NIPA1: variants seen among roughly 807,000 people sequenced by gnomAD.
The protein encoded by NIPA1 is NIPA magnesium transporter 1, also known as magnesium transporter NIPA1.
In NIPA1, 13 loss-of-function variants were observed where a neutral mutation model predicts 23.9. That is an observed-to-expected ratio of 0.54 (90% CI 0.35 to 0.87). The LOEUF (loss-of-function observed/expected upper bound fraction) is 0.87. Ranked by LOEUF, NIPA1 falls within the 40% of genes least tolerant of loss-of-function variation. The probability of loss-of-function intolerance (pLI) is 0.01; values close to 1 mark genes in which losing one functional copy is unlikely to be tolerated. For missense variants in NIPA1, 362 were observed against 429.7 expected (o/e 0.84, Z 1.39); for synonymous variants, 234 against 202.9 (o/e 1.15, Z -1.30).
At chr15:22,807,578 C>A (rs544479771) in intron 1 of NIPA1, among the ~76,000 whole-genome samples, 3 of 151,700 alleles carry the variant, frequency 2.0e-5, no homozygotes, top group East Asian at 3.9e-4. Context: ...CAGAGTGAGA[C>A]CCTGTCTCAA....
At chr15:22,799,830 G>C (rs1170839902) in intron 1 of NIPA1, among the ~76,000 whole-genome samples, 1 of 148,354 alleles carries the variant, frequency 6.7e-6, no homozygotes, top group Non-Finnish European at 1.5e-5. Context: ...TGTAGTCTCA[G>C]CTACTGGGGA....
At position 22,824,043 on chromosome 15, in the gene NIPA1, A is replaced by T; in HGVS notation, c.794A>T (p.Tyr265Phe). The change falls in exon 5 of 5, where the codon TAC (tyrosine) becomes TTC (phenylalanine). Residue 265 changes from tyrosine (Y) to phenylalanine (F), a missense_variant. This residue lies in a region of NIPA1 where 277 missense variants were observed against 372.0 expected (regional missense o/e 0.74). Coordinates refer to ENST00000337435, the MANE Select transcript of NIPA1 (RefSeq NM_144599.5). This position sits in a 1 kb window ranked among gnomAD's most constrained non-coding sequence, Gnocchi z 4.1. ...FDSSVFGAIY[Y>F]VVFTTLVLLA... ...TCCTCGGTGTTCGGGGCCATCTACT[A>T]CGTCGTGTTTACCACGCTGGTCCTG... 1 of 1,614,042 alleles carries T rather than the reference A, an allele frequency of 6.2e-7. No homozygotes were observed. The highest frequency in any genetic ancestry group is 8.5e-7 in the Non-Finnish European group (1 of 1,179,950).
rs1290328519 is a variant in NIPA1, at chr15:22,828,839, G to A, written c.*4600G>A. On this transcript the variant is annotated 3_prime_UTR_variant, in exon 5 of 5. Coordinates refer to ENST00000337435, the MANE Select transcript of NIPA1 (RefSeq NM_144599.5). ...GCCTCAGTTTTTCTACCTCTAAAGG[G>A]GTGGGATGGTTCTTCAAATTGTTTC... 1 of 152,568 alleles carries A rather than the reference G, an allele frequency of 6.6e-6. No individual in the cohort carries two copies. The highest frequency in any genetic ancestry group is 1.9e-4 in the East Asian group (1 of 5,198). 9.5% of individuals were successfully genotyped at this position (152,568 alleles called of 1,614,324 possible). A position where few individuals can be genotyped will look rare whatever the true frequency, so the allele number is the denominator to read the frequency against.
At chr15:22,790,926 G>A (rs983381323) in intron 1 of NIPA1, among the ~76,000 whole-genome samples, 1 of 152,152 alleles carries the variant, frequency 6.6e-6, no homozygotes, top group Non-Finnish European at 1.5e-5. Context: ...CTAGCGTGAC[G>A]TTCCTTATGC....
chr15:22,799,953 A>G (rs1016651650), intron 1 of NIPA1, among the ~76,000 whole-genome samples: 2 of 149,000 alleles, frequency 1.3e-5, no homozygotes, highest in African/African-American at 2.5e-5. Context: ...CAAAAAAAAA[A>G]AAAAAAAAAA....
rs948003199 is a variant in NIPA1 at position 22,794,278 on chromosome 15, G to A, written c.178+7444G>A. Among the ~76,000 whole-genome samples, 5 of 146,742 alleles carry A rather than the reference G, an allele frequency of 3.4e-5. No homozygotes were observed. In the South Asian group the frequency reaches 6.5e-4, roughly 19 times the overall value. On this transcript the variant is annotated intron_variant, in intron 1 of 4. Transcript: ENST00000337435. ...CACAAATGACAAAGCCGGTGATTCC[G>A]CTTATGTGAGGCACCCACTGCAGTG...
At chr15:22,803,829 G>A (rs1316146862) in intron 1 of NIPA1, among the ~76,000 whole-genome samples, 5 of 150,544 alleles carry the variant, frequency 3.3e-5, no homozygotes, top group Non-Finnish European at 5.9e-5. Flanking sequence ...ACAGGCACCC[G>A]CCACCACGCC....
In NIPA1 at chr15:22,786,724, C is replaced by G. The variant is rs1894711153; in HGVS notation, c.68C>G (p.Pro23Arg). Reference protein sequence around the residue: ...AAAAGEGARSPSPAAVSLGLG... With the variant: ...AAAAGEGARSRSPAAVSLGLG... Reference sequence around the variant, plus strand: ...GCGGCCGGGGAGGGGGCGCGTAGCCCGAGCCCCGCCGCCGTGTCGCTCGGC... The same window carrying G: ...GCGGCCGGGGAGGGGGCGCGTAGCCGGAGCCCCGCCGCCGTGTCGCTCGGC... Residue 23 changes from proline to arginine, a missense_variant, in exon 1 of 5, where the codon CCG becomes CGG. This residue lies in a region of NIPA1 where 85 missense variants were observed against 57.7 expected (regional missense o/e 1.47). Coordinates refer to ENST00000337435, the MANE Select transcript of NIPA1 (RefSeq NM_144599.5). The G allele has an allele frequency of 8.1e-7, 1 of 1,231,578 alleles. No homozygotes were observed. Among genetic ancestry groups the G allele is most frequent in the Non-Finnish European group, 1.0e-6 (1 of 967,928 alleles). 76.3% of individuals were successfully genotyped at this position (1,231,578 alleles called of 1,614,324 possible).
intron 1 of NIPA1, among the ~76,000 whole-genome samples, chr15:22,803,596 C>T (rs1405617348): frequency 6.2e-5 from 9 of 144,558 alleles, no homozygotes; most frequent in African/African-American, 1.0e-4. Context: ...GCAACCTCTG[C>T]CCCCCTGGTT....
intron 4 of NIPA1, among the ~76,000 whole-genome samples, chr15:22,821,164 A>G (rs937300598): frequency 6.6e-6 from 1 of 151,652 alleles, no homozygotes; most frequent in African/African-American, 2.4e-5. Flanking sequence ...ATGGGATTTC[A>G]TCATGTTAGC....
Position 22,786,861 on chromosome 15 carries a change from G to A in NIPA1, c.178+27G>A, listed in dbSNP as rs990768244. On this transcript the variant is annotated intron_variant, in intron 1 of 4. Transcript: ENST00000337435. ...TAGGGCGGGCGGCAGGCGGCAGGCG[G>A]CGGGCGGGTGGGGGAGGCGGGCGGC... 7.6e-6 allele frequency: 8 copies of A among 1,054,294 alleles called. No individual in the cohort carries two copies. In the African/African-American group the frequency reaches 1.2e-4, roughly 16 times the overall value. 65.3% of individuals were successfully genotyped at this position (1,054,294 alleles called of 1,614,324 possible).
intron 1 of NIPA1, among the ~76,000 whole-genome samples, chr15:22,798,828 T>C (rs67273222): frequency 0.73 from 86,158 of 117,932 alleles, 31,728 homozygotes; most frequent in African/African-American, 0.92. Flanking sequence ...AGAGCGAGAC[T>C]CCGTCTCAAA....
chr15:22,803,341 T>A (rs1895126891), intron 1 of NIPA1, among the ~76,000 whole-genome samples: 1 of 151,944 alleles, frequency 6.6e-6, no homozygotes, highest in African/African-American at 2.4e-5. Context: ...AGAGTGTGTG[T>A]GTGTATATGT....
In NIPA1 at chr15:22,823,668, C is replaced by G. The variant is rs1254295878; in HGVS notation, c.479-60C>G. On this transcript the variant is annotated intron_variant, in intron 4 of 4. Transcript: ENST00000337435. ...GGGCCCGGGTGCTGCCCCAGTCCAC[C>G]TCCTGGGTTGCGGCTGCTAGGCGGT... 8 of 1,537,302 alleles carry G rather than the reference C, an allele frequency of 5.2e-6. No individual in the cohort carries two copies. The East Asian group carries it at 1.7e-4, about 32-fold the overall frequency.
intron 1 of NIPA1, among the ~76,000 whole-genome samples, chr15:22,788,913 C>CT (rs1894769099): frequency 1.1e-4 from 2 of 18,458 alleles, no homozygotes; most frequent in Non-Finnish European, 2.1e-4. Flanking sequence ...GAACAAGGCT[C>CT]TGTCTTAAAA....
At position 22,825,319 on chromosome 15, in the gene NIPA1, A is replaced by C. The variant is rs1184093376; in HGVS notation, c.*1080A>C. ...ATTACAATGTTATGGGACCACCGTC[A>C]TGTAAGTGGTATGTCTTTGACAGAA... On this transcript the variant is annotated 3_prime_UTR_variant, in exon 5 of 5. Coordinates refer to ENST00000337435, the MANE Select transcript of NIPA1 (RefSeq NM_144599.5). 1 of 152,242 alleles carries C rather than the reference A, an allele frequency of 6.6e-6. No individual in the cohort carries two copies. Among genetic ancestry groups the C allele is most frequent in the South Asian group, 2.1e-4 (1 of 4,836 alleles). 9.4% of individuals were successfully genotyped at this position (152,242 alleles called of 1,614,324 possible).
chr15:22,800,372 CAT>C (rs1299038275), intron 1 of NIPA1, among the ~76,000 whole-genome samples: 4 of 152,226 alleles, frequency 2.6e-5, no homozygotes, highest in African/African-American at 9.6e-5. Flanking sequence ...AATGTTCTCA[CAT>C]GTCTGGTTAG....
rs372972158 is a variant in NIPA1, at chr15:22,824,091, G to A, written c.842G>A (p.Arg281Gln). 5.0e-6 allele frequency: 8 copies of A among 1,614,092 alleles called. No homozygotes were observed. Among genetic ancestry groups the A allele is most frequent in the African/African-American group, 1.3e-5 (1 of 75,052 alleles). ...LVLLASAILF[R>Q]EWSNVGLVDF... The stretch of plus-strand genomic sequence containing the variant: ...CTGCTGGCCTCAGCCATCCTCTTCC[G>A]GGAGTGGAGCAACGTGGGCCTGGTG... The change falls in exon 5 of 5, where the codon CGG (arginine) becomes CAG (glutamine). Residue 281 changes from arginine to glutamine, a missense_variant. Arg to Gln is a conservative substitution (Grantham distance 43). Coordinates refer to ENST00000337435, the MANE Select transcript of NIPA1 (RefSeq NM_144599.5). This position sits in a 1 kb window ranked among gnomAD's most constrained non-coding sequence, Gnocchi z 4.1.
rs1437745520 is a variant in NIPA1 at position 22,811,336 on chromosome 15, G to A, written c.226+540G>A. Among the ~76,000 whole-genome samples, 6 of 152,298 alleles carry A rather than the reference G, an allele frequency of 3.9e-5. No homozygotes were observed. In the East Asian group the frequency reaches 1.2e-3, roughly 29 times the overall value. On this transcript the variant is annotated intron_variant, in intron 2 of 4. Transcript: ENST00000337435. ...AGAAATATTATGTTTGGCCAGGCAT[G>A]GTGGCTCACGCCTGTAATCCCAGCA...
Sources: allele counts gnomAD v4.1 joint callset (sites outside exome capture counted in the v4.1 genomes callset), GRCh38; gene constraint gnomAD v4.1.1; regional missense constraint gnomAD v4.1.1; non-coding constraint Gnocchi (gnomAD v3.1); transcripts MANE v1.5; gene names NCBI Gene and HGNC (gene_info 2026-07-23, HGNC 2026-07-21).